The following RFPL1 variants were observed in gnomAD, a reference collection of about 807,000 sequenced individuals.
RFPL1 encodes ret finger protein like 1, also known as ret finger protein-like 1.
In RFPL1, 6 loss-of-function variants were observed where a neutral mutation model predicts 9.6. That is an observed-to-expected ratio of 0.62 (90% CI 0.34 to 1.23). The LOEUF (loss-of-function observed/expected upper bound fraction) is 1.23. Ranked by LOEUF, RFPL1 falls within the 50% of genes most tolerant of loss-of-function variation. RFPL1 has a pLI of 0.03. For missense variants in RFPL1, 352 were observed against 398.4 expected (o/e 0.88, Z 0.99); for synonymous variants, 145 against 149.4 (o/e 0.97, Z 0.22).
At chr22:29,393,684 T>TAGAG in the RFPL1 span, among the ~76,000 whole-genome samples, 34 of 149,590 alleles carry the variant, frequency 2.3e-4, no homozygotes, top group African/African-American at 4.9e-4. Context: ...CCCACCTGGA[T>TAGAG]AGAGAGAGAG....
the RFPL1 span, among the ~76,000 whole-genome samples, chr22:29,402,823 G>C: frequency 7.0e-6 from 1 of 142,390 alleles, no homozygotes; most frequent in African/African-American, 2.8e-5. Flanking sequence ...CTTTTCTCAG[G>C]ACTGGAAAGC....
the RFPL1 span, among the ~76,000 whole-genome samples, chr22:29,390,773 A>G: frequency 6.0e-5 from 9 of 149,012 alleles, no homozygotes; most frequent in Non-Finnish European, 8.9e-5. Context: ...TTTTTTTTGT[A>G]TTTTTAGTAG....
At chr22:29,393,237 A>T in the RFPL1 span, among the ~76,000 whole-genome samples, 3 of 152,160 alleles carry the variant, frequency 2.0e-5, no homozygotes, top group African/African-American at 7.2e-5. Flanking sequence ...TAACTCATTA[A>T]ACTTTCCCAA....
At chr22:29,430,527 AC>A in the RFPL1 span, among the ~76,000 whole-genome samples, 1 of 152,186 alleles carries the variant, frequency 6.6e-6, no homozygotes, top group Admixed American at 6.5e-5. Context: ...AACTAACAAA[AC>A]AACAACAAAA....
At chr22:29,416,104 A>G in the RFPL1 span, among the ~76,000 whole-genome samples, 1 of 152,220 alleles carries the variant, frequency 6.6e-6, no homozygotes, top group Non-Finnish European at 1.5e-5. Context: ...CTTCCATGCC[A>G]CTTCATTCTT....
chr22:29,398,288 G>A, the RFPL1 span, among the ~76,000 whole-genome samples: 5 of 152,218 alleles, frequency 3.3e-5, no homozygotes, highest in Admixed American at 6.5e-5. Flanking sequence ...GACTGGACTG[G>A]ATGATCACTC....
the RFPL1 span, among the ~76,000 whole-genome samples, chr22:29,418,077 C>T: frequency 2.0e-5 from 3 of 151,762 alleles, no homozygotes; most frequent in Non-Finnish European, 4.4e-5. Context: ...ATTACATGTG[C>T]CCGCCACCAT....
the RFPL1 span, among the ~76,000 whole-genome samples, chr22:29,410,440 A>ATC: frequency 1.0e-5 from 1 of 100,050 alleles, no homozygotes; most frequent in South Asian, 2.7e-4. Context: ...GTAGATATAT[A>ATC]TATCTATATA....
At chr22:29,388,456 T>G in the RFPL1 span, 3 of 152,236 alleles carry the variant, frequency 2.0e-5, no homozygotes, top group African/African-American at 7.2e-5. Context: ...GCGCCCCGGC[T>G]CGGTTCGGCT....
At chr22:29,410,722 G>A in the RFPL1 span, among the ~76,000 whole-genome samples, 3 of 146,846 alleles carry the variant, frequency 2.0e-5, no homozygotes, top group African/African-American at 5.0e-5. Flanking sequence ...GCACAATCTC[G>A]GCTCAATGAA....
At chr22:29,403,955 A>G in the RFPL1 span, among the ~76,000 whole-genome samples, 1 of 152,210 alleles carries the variant, frequency 6.6e-6, no homozygotes, top group Non-Finnish European at 1.5e-5. Flanking sequence ...AATATGAAAC[A>G]ACCTATGCAC....
the RFPL1 span, among the ~76,000 whole-genome samples, chr22:29,422,523 G>A: frequency 1.3e-5 from 2 of 152,212 alleles, no homozygotes; most frequent in South Asian, 4.1e-4. Context: ...GTTGCAGTGA[G>A]CCAATATTGG....
the RFPL1 span, among the ~76,000 whole-genome samples, chr22:29,417,820 A>G: frequency 4.3e-4 from 66 of 152,144 alleles, 1 homozygote; most frequent in Admixed American, 6.5e-4. Context: ...ACACATAACA[A>G]GAGAACAGTC....
the RFPL1 span, among the ~76,000 whole-genome samples, chr22:29,418,226 C>A: frequency 2.0e-5 from 3 of 152,058 alleles, no homozygotes; most frequent in African/African-American, 7.2e-5. Context: ...CCGCACCCAG[C>A]CTCGAATGGG....
chr22:29,423,457 C>T, the RFPL1 span, among the ~76,000 whole-genome samples: 3 of 151,958 alleles, frequency 2.0e-5, no homozygotes, highest in African/African-American at 7.2e-5. Flanking sequence ...CTCAGCCAAT[C>T]CTCCTGCCTC....
chr22:29,433,962 G>A (rs1032897579), upstream of RFPL1, among the ~76,000 whole-genome samples: 4 of 151,528 alleles, frequency 2.6e-5, no homozygotes, highest in Non-Finnish European at 5.9e-5. Flanking sequence ...TCCTTCTATT[G>A]GACTAGGCTG....
the RFPL1 span, among the ~76,000 whole-genome samples, chr22:29,414,816 T>C: frequency 1.5e-5 from 2 of 136,422 alleles, no homozygotes; most frequent in Non-Finnish European, 3.1e-5. Context: ...ACCTTTTTGC[T>C]TTTTTTTTTT....
chr22:29,430,642 C>T, the RFPL1 span, among the ~76,000 whole-genome samples: 1 of 151,846 alleles, frequency 6.6e-6, no homozygotes, highest in African/African-American at 2.4e-5. Context: ...AGAAAAAGTC[C>T]CTTTAAATAA....
At chr22:29,397,380 C>T in the RFPL1 span, among the ~76,000 whole-genome samples, 57 of 152,242 alleles carry the variant, frequency 3.7e-4, no homozygotes, top group Non-Finnish European at 5.9e-4. Flanking sequence ...GTCCTTAGAG[C>T]GTGAGGTCTC....
Sources: gnomAD v4.1 joint callset for allele counts (sites outside exome capture counted in the v4.1 genomes callset) on GRCh38, gnomAD v4.1.1 for gene constraint, MANE v1.5 for transcripts, NCBI Gene and HGNC (gene_info 2026-07-23, HGNC 2026-07-21) for gene names.